The following ATP6V1A variants were observed in gnomAD, a reference collection of about 807,000 sequenced individuals.
ATP6V1A encodes the protein V-type proton ATPase catalytic subunit A.
In ATP6V1A, 18 loss-of-function variants were observed where a neutral mutation model predicts 70.1. The ratio of observed to expected loss-of-function variants is 0.26; its 90% CI spans 0.18 to 0.38. The LOEUF (loss-of-function observed/expected upper bound fraction) is 0.38, where lower values mean the gene tolerates loss of function less well. ATP6V1A is among the 10% of genes least tolerant of loss of function. ATP6V1A has a pLI of 1.00. For missense variants in ATP6V1A, 424 were observed against 772.4 expected (o/e 0.55, Z 5.35); for synonymous variants, 232 against 253.8 (o/e 0.91, Z 0.82).
chr3:113,763,673 G>T (rs1708732340), intron 1 of ATP6V1A, among the ~76,000 whole-genome samples: 1 of 152,034 alleles, frequency 6.6e-6, no homozygotes, highest in Non-Finnish European at 1.5e-5. Flanking sequence ...ATATTTTGTT[G>T]TTTCTAGGAC....
chr3:113,767,081 TATGTC>T, intron 1 of ATP6V1A, among the ~76,000 whole-genome samples: 1 of 151,182 alleles, frequency 6.6e-6, no homozygotes, highest in Admixed American at 6.6e-5. Context: ...TAGTTGATGT[TATGTC>T]TTTTTTTTTT....
chr3:113,774,683 A>G (rs1178250868), intron 1 of ATP6V1A, among the ~76,000 whole-genome samples: 2 of 151,992 alleles, frequency 1.3e-5, no homozygotes, highest in African/African-American at 2.4e-5. Context: ...GCATAGTGGC[A>G]CACACTGTAG....
At chr3:113,808,287 CTTTTTTTT>C (rs748064694) in intron 14 of ATP6V1A, among the ~76,000 whole-genome samples, 1 of 89,808 alleles carries the variant, frequency 1.1e-5, no homozygotes, top group Non-Finnish European at 2.0e-5. Context: ...AAGTCTGTCT[CTTTTTTTT>C]TTTTTTTTTT....
chr3:113,807,811 T>C (rs1426226796), intron 14 of ATP6V1A, among the ~76,000 whole-genome samples: 1 of 152,122 alleles, frequency 6.6e-6, no homozygotes, highest in Non-Finnish European at 1.5e-5. Context: ...TGGAGAGTAA[T>C]ATTTTTCTAT....
At chr3:113,798,620 G>T (rs1249873563) in intron 12 of ATP6V1A, among the ~76,000 whole-genome samples, 174 bp downstream of exon 12, 1 of 152,086 alleles carries the variant, frequency 6.6e-6, no homozygotes, top group Non-Finnish European at 1.5e-5. Flanking sequence ...TGGGTATATT[G>T]TATGTGAGAA....
At chr3:113,797,621 G>A (rs1709167871) in intron 11 of ATP6V1A, among the ~76,000 whole-genome samples, 1 of 152,078 alleles carries the variant, frequency 6.6e-6, no homozygotes, top group African/African-American at 2.4e-5. Context: ...TGGTTCTATT[G>A]TACCATAATA....
In ATP6V1A at chr3:113,763,313, T is replaced by C. The variant is rs189439600; in HGVS notation, c.-13-15428T>C. Among the ~76,000 whole-genome samples, 1,209 of 152,322 alleles carry C rather than the reference T, an allele frequency of 7.9e-3. 4 individuals carry two copies. Among genetic ancestry groups the C allele is most frequent in the Non-Finnish European group, 0.011 (782 of 68,022 alleles). Reference sequence around the variant, plus strand: ...TGTGTTAGCCAGGATGGTCTCGATCTCCTGACCTCGTGATCCGCCCACCTT... The same window carrying C: ...TGTGTTAGCCAGGATGGTCTCGATCCCCTGACCTCGTGATCCGCCCACCTT... On this transcript the variant is annotated intron_variant, in intron 1 of 14. Coordinates refer to ENST00000273398, the MANE Select transcript of ATP6V1A (RefSeq NM_001690.4).
At chr3:113,784,549 G>A (rs1577089860) in intron 4 of ATP6V1A, 111 bp downstream of exon 4, 1 of 1,387,220 alleles carries the variant, frequency 7.2e-7, no homozygotes, top group East Asian at 2.4e-5. Context: ...CAGAAGGATA[G>A]TTTAAAGTTT....
chr3:113,795,280 T>C, intron 10 of ATP6V1A, 76 bp downstream of exon 10: 2 of 1,462,506 alleles, frequency 1.4e-6, no homozygotes, highest in South Asian at 2.5e-5. Flanking sequence ...AAGTCACTTA[T>C]TTTAAAGAGA....
Position 113,805,452 on chromosome 3 carries a change from A to G in ATP6V1A, c.1688A>G (p.Asn563Ser), listed in dbSNP as rs375296671. The G allele has an allele frequency of 3.0e-5, 48 of 1,613,908 alleles. No homozygotes were observed. In the African/African-American group the frequency reaches 4.5e-4, roughly 15 times the overall value. ...GTTGAAACCACTGCCCAGAGTGACA[A>G]TAAAATCACATGGTCCATTATTCGT... The part of the protein sequence containing the change: ...RAVETTAQSD[N>S]KITWSIIREH... Residue 563 changes from asparagine to serine, a missense_variant, in exon 14 of 15, where the codon AAT (asparagine) becomes AGT (serine). Transcript: ENST00000273398.
rs1378796734 is a variant in ATP6V1A, at chr3:113,789,860, A to G, written c.988+20A>G. The G allele has an allele frequency of 2.6e-6, 4 of 1,539,268 alleles. No individual in the cohort carries two copies. Among genetic ancestry groups the G allele is most frequent in the Admixed American group, 1.7e-5 (1 of 59,556 alleles). On this transcript the variant is annotated intron_variant, in intron 8 of 14. Transcript: ENST00000273398. ...ATACTGGTGAGTATATAATTGGAAT[A>G]AAAGCAGTTAACATCTGTTCTTAAG...
intron 14 of ATP6V1A, among the ~76,000 whole-genome samples, chr3:113,807,636 A>T (rs1428745845): frequency 6.6e-6 from 1 of 152,188 alleles, no homozygotes; most frequent in Admixed American, 6.5e-5. Context: ...TTCCATATGT[A>T]ACTTGATCCA....
chr3:113,749,288 C>T (rs1577077398), intron 1 of ATP6V1A, among the ~76,000 whole-genome samples: 1 of 151,810 alleles, frequency 6.6e-6, no homozygotes, highest in Non-Finnish European at 1.5e-5. Flanking sequence ...CACACACACA[C>T]ACACACACAC....
In ATP6V1A at chr3:113,805,377, T is replaced by C; in HGVS notation, c.1613T>C (p.Val538Ala). 21 of 1,614,122 alleles carry C rather than the reference T, an allele frequency of 1.3e-5. No individual in the cohort carries two copies. The highest frequency in any genetic ancestry group is 1.8e-5 in the Non-Finnish European group (21 of 1,179,992). ...AGGTTCTGCCCATTCTACAAGACAG[T>C]AGGGATGCTGTCCAACATGATTGCA... ...YDRFCPFYKT[V>A]GMLSNMIAFY... is the part of the protein sequence containing the mutation. The change falls in exon 14 of 15, where the codon GTA becomes GCA. Residue 538 changes from valine (V) to alanine (A), a missense_variant. Val to Ala is a moderately conservative substitution (Grantham distance 64). Transcript: ENST00000273398.
chr3:113,771,661 TCTC>T (rs1450844429), intron 1 of ATP6V1A, among the ~76,000 whole-genome samples: 1 of 151,986 alleles, frequency 6.6e-6, no homozygotes, highest in Non-Finnish European at 1.5e-5. Flanking sequence ...ATGGTCTCGA[TCTC>T]CTGACCTCAT....
At chr3:113,769,897 T>C (rs1436702420) in intron 1 of ATP6V1A, among the ~76,000 whole-genome samples, 1 of 152,232 alleles carries the variant, frequency 6.6e-6, no homozygotes, top group Non-Finnish European at 1.5e-5. Context: ...CATTTACTTT[T>C]TATCCTTAAA....
chr3:113,785,238 G>A (rs954251728), intron 5 of ATP6V1A, among the ~76,000 whole-genome samples: 1 of 152,032 alleles, frequency 6.6e-6, no homozygotes, highest in South Asian at 2.1e-4. Context: ...TCAGGAGATC[G>A]AGACCAGCCT....
At chr3:113,778,058 C>A (rs1442143859) in intron 1 of ATP6V1A, among the ~76,000 whole-genome samples, 1 of 152,098 alleles carries the variant, frequency 6.6e-6, no homozygotes, top group Non-Finnish European at 1.5e-5. Flanking sequence ...TGTGATAAAA[C>A]CATCCAGCAT....
rs367623263 is a variant in ATP6V1A at position 113,794,855 on chromosome 3, T to C, written c.989-17T>C. The C allele has an allele frequency of 3.8e-6, 6 of 1,592,788 alleles. No homozygotes were observed. In the African/African-American group the frequency reaches 6.8e-5, roughly 18 times the overall value. Reference sequence around the variant, plus strand: ...ATGCTAGCATTGTAACTTATAATAATATTCTTCCCAATTTAGGAATCACAC... The same window carrying C: ...ATGCTAGCATTGTAACTTATAATAACATTCTTCCCAATTTAGGAATCACAC... On this transcript the variant is annotated splice_polypyrimidine_tract_variant and intron_variant, in intron 8 of 14. Transcript: ENST00000273398.
Sources: allele counts gnomAD v4.1 joint callset (sites outside exome capture counted in the v4.1 genomes callset), GRCh38; gene constraint gnomAD v4.1.1; transcripts MANE v1.5; gene names NCBI Gene and HGNC (gene_info 2026-07-23, HGNC 2026-07-21).